The following DRC1 variants were observed in gnomAD, a reference collection of about 807,000 sequenced individuals.
DRC1 encodes dynein regulatory complex protein 1.
In DRC1, 74 loss-of-function variants were observed where a neutral mutation model predicts 98.7. That is an observed-to-expected ratio of 0.75 (90% CI 0.62 to 0.91). The LOEUF (loss-of-function observed/expected upper bound fraction) is 0.91, where lower values mean the gene tolerates loss of function less well. Ranked by LOEUF, DRC1 falls within the 40% of genes least tolerant of loss-of-function variation. DRC1 has a pLI of 0.00. For synonymous variants in DRC1, 336 were observed against 334.1 expected (o/e 1.01, Z -0.06); for missense variants, 875 against 886.0 (o/e 0.99, Z 0.16).
intron 1 of DRC1, among the ~76,000 whole-genome samples, chr2:26,408,404 A>G (rs1025798022): frequency 6.6e-6 from 1 of 152,104 alleles, no homozygotes; most frequent in African/African-American, 2.4e-5. Context: ...GTGGCACTTC[A>G]GCCTTCATAT....
At chr2:26,445,243 G>A (rs555394204) in intron 10 of DRC1, among the ~76,000 whole-genome samples, 31 of 152,264 alleles carry the variant, frequency 2.0e-4, no homozygotes, top group African/African-American at 7.0e-4. Context: ...TGTGATGTTA[G>A]CAACCATTGC....
chr2:26,404,581 G>GA (rs1426355969), intron 1 of DRC1, among the ~76,000 whole-genome samples: 3 of 152,136 alleles, frequency 2.0e-5, no homozygotes, highest in Non-Finnish European at 4.4e-5. Context: ...ATTCAATAGG[G>GA]ATCACCATTC....
At chr2:26,444,982 G>A in intron 10 of DRC1, 34 bp downstream of exon 10, 1 of 1,602,944 alleles carries the variant, frequency 6.2e-7, no homozygotes, top group Non-Finnish European at 8.5e-7. Context: ...CCTTAGAGCT[G>A]GAGGAGCCCC....
rs911972288 is a variant in DRC1, at chr2:26,403,844, T to C, written c.155+1700T>C. Among the ~76,000 whole-genome samples the C allele has an allele frequency of 8.1e-5, 12 of 147,560 alleles. No homozygotes were observed. The Admixed American group carries it at 8.2e-4, about 10-fold the overall frequency. ...GGCCGGGCGCAGTGGCTCATGCCTG[T>C]AATCCCAAAACTTTGGGAGGCTGAG... On this transcript the variant is annotated intron_variant, in intron 1 of 16. Coordinates refer to ENST00000288710, the MANE Select transcript of DRC1 (RefSeq NM_145038.5).
chr2:26,428,775 G>GCAA (rs1663351331), intron 4 of DRC1, among the ~76,000 whole-genome samples: 1 of 151,758 alleles, frequency 6.6e-6, no homozygotes, highest in African/African-American at 2.4e-5. Flanking sequence ...TCCAGCCTGG[G>GCAA]CAACAGAGCA....
chr2:26,445,012 C>T (rs1175543723), intron 10 of DRC1, 64 bp downstream of exon 10: 3 of 1,530,872 alleles, frequency 2.0e-6, no homozygotes, highest in Non-Finnish European at 2.7e-6. Flanking sequence ...TCGGGTCAAG[C>T]CAGTCACGTT....
chr2:26,402,213 A>T (rs2147972483), intron 1 of DRC1, 69 bp downstream of exon 1: 1 of 1,474,958 alleles, frequency 6.8e-7, no homozygotes, highest in East Asian at 2.5e-5. Flanking sequence ...TTCCTGATGA[A>T]ATAGAAACAT....
At chr2:26,429,296 G>A (rs1426166688) in intron 4 of DRC1, among the ~76,000 whole-genome samples, 1 of 151,718 alleles carries the variant, frequency 6.6e-6, no homozygotes, top group Admixed American at 6.6e-5. Flanking sequence ...GCTCACTGTA[G>A]CCTTGACCTT....
Position 26,402,062 on chromosome 2 carries a change from C to G in DRC1, c.73C>G (p.Pro25Ala). Residue 25 changes from proline (P) to alanine (A), a missense_variant, in exon 1 of 17, where the codon CCC becomes GCC. Transcript: ENST00000288710. ...DEHLSTQILA[P>A]SVHSDNSQER... ...GCACTTGTCCACCCAGATTCTCGCGCCCTCGGTCCACTCCGACAACTCTCA... is the reference window on the plus strand; with the variant it reads ...GCACTTGTCCACCCAGATTCTCGCGGCCTCGGTCCACTCCGACAACTCTCA... 2 of 1,613,374 alleles carry G rather than the reference C, an allele frequency of 1.2e-6. No individual in the cohort carries two copies. The highest frequency in any genetic ancestry group is 1.3e-5 in the African/African-American group (1 of 75,052).
At chr2:26,409,301 C>T (rs1678523702) in intron 1 of DRC1, among the ~76,000 whole-genome samples, 1 of 152,132 alleles carries the variant, frequency 6.6e-6, no homozygotes, top group Admixed American at 6.5e-5. Flanking sequence ...CTGCTTTATC[C>T]TGACACCATA....
At chr2:26,402,225 T>C in intron 1 of DRC1, 81 bp downstream of exon 1, 1 of 1,462,438 alleles carries the variant, frequency 6.8e-7, no homozygotes, top group Non-Finnish European at 9.0e-7. Context: ...TAGAAACATT[T>C]CTTCGGGAAG....
In DRC1 at chr2:26,444,815, G is replaced by A. The variant is rs778963656; in HGVS notation, c.1263G>A (p.Arg421=). The change falls in exon 10 of 17, where the codon AGG becomes AGA. Residue 421 remains arginine (R), a synonymous_variant. Transcript: ENST00000288710. ...TAGCCAGAGCCTTTGATGTGGACAG[G>A]ATCATCCACACCCATCATCTGGGGC... ...DLIARAFDVD[R]IIHTHHLGLP... The A allele has an allele frequency of 6.2e-6, 10 of 1,614,058 alleles. No homozygotes were observed. The highest frequency in any genetic ancestry group is 6.8e-6 in the Non-Finnish European group (8 of 1,180,026).
intron 7 of DRC1, among the ~76,000 whole-genome samples, chr2:26,433,018 G>T (rs887481678): frequency 6.6e-6 from 1 of 152,206 alleles, no homozygotes; most frequent in Non-Finnish European, 1.5e-5. Flanking sequence ...CTAAGAGCTA[G>T]AACTGTCTAA....
At chr2:26,412,620 G>GCACA (rs1442333023) in intron 1 of DRC1, among the ~76,000 whole-genome samples, 1 of 152,056 alleles carries the variant, frequency 6.6e-6, no homozygotes, top group African/African-American at 2.4e-5. Flanking sequence ...ACACAGACAA[G>GCACA]CACACACACA....
At position 26,453,375 on chromosome 2, in the gene DRC1, C is replaced by T. The variant is rs766012532; in HGVS notation, c.1745C>T (p.Thr582Met). The change falls in exon 14 of 17, where the codon ACG becomes ATG. Residue 582 changes from threonine to methionine, a missense_variant. Thr to Met is a moderately conservative substitution (Grantham distance 81, BLOSUM62 -1). Coordinates refer to ENST00000288710, the MANE Select transcript of DRC1 (RefSeq NM_145038.5). ...AAGGCGAGCATGGAGGAGACAAGCA[C>T]GAGGTCAGAATTGGAGCTGGCAGAG... Reference protein sequence around the residue: ...MEKASMEETSTRSELELAEQT... With the variant: ...MEKASMEETSMRSELELAEQT... The T allele has an allele frequency of 1.3e-5, 21 of 1,613,990 alleles. No homozygotes were observed. Among genetic ancestry groups the T allele is most frequent in the South Asian group, 1.1e-4 (10 of 91,090 alleles).
At chr2:26,453,253 C>G in intron 13 of DRC1, 67 bp from the exon 14 acceptor site, 1 of 1,566,174 alleles carries the variant, frequency 6.4e-7, no homozygotes, top group Non-Finnish European at 8.7e-7. Context: ...TTTCTTCTTC[C>G]TGCCTCTCTC....
At position 26,454,706 on chromosome 2, in the gene DRC1, A is replaced by G. The variant is rs1227109464; in HGVS notation, c.1979A>G (p.Glu660Gly). 5 of 1,614,098 alleles carry G rather than the reference A, an allele frequency of 3.1e-6. No individual in the cohort carries two copies. In the South Asian group the frequency reaches 4.4e-5, roughly 14 times the overall value. The change falls in exon 15 of 17, where the codon GAG becomes GGG. Residue 660 changes from glutamate (E) to glycine (G), a missense_variant. Coordinates refer to ENST00000288710, the MANE Select transcript of DRC1 (RefSeq NM_145038.5). This position sits in a 1 kb window ranked among gnomAD's most constrained non-coding sequence, Gnocchi z 5.2. ...GTGCGTGACAACTCCAAGGACTCGG[A>G]GTACTGGCAGGCCCTGACCACAGTG... The part of the protein sequence containing the change: ...KNVRDNSKDS[E>G]YWQALTTVIP...
chr2:26,407,232 G>A (rs990346085), intron 1 of DRC1, among the ~76,000 whole-genome samples: 9 of 152,018 alleles, frequency 5.9e-5, no homozygotes, highest in South Asian at 2.1e-4. Context: ...TAAAAAAGAC[G>A]CAAATCCACA....
chr2:26,438,270 G>T (rs1348679588), intron 7 of DRC1, among the ~76,000 whole-genome samples: 1 of 152,078 alleles, frequency 6.6e-6, no homozygotes, highest in East Asian at 1.9e-4. Flanking sequence ...AACAGAAGTT[G>T]CCTTTGGGGG....
Sources: allele counts gnomAD v4.1 joint callset (sites outside exome capture counted in the v4.1 genomes callset), GRCh38; gene constraint gnomAD v4.1.1; non-coding constraint Gnocchi (gnomAD v3.1); transcripts MANE v1.5; gene names NCBI Gene and HGNC (gene_info 2026-07-23, HGNC 2026-07-21).